The following TEX14 variants were observed in gnomAD, a reference collection of about 807,000 sequenced individuals.
The protein encoded by TEX14 is testis expressed 14, intercellular bridge forming factor.
In TEX14, 168 loss-of-function variants were observed where a neutral mutation model predicts 178.6. The ratio of observed to expected loss-of-function variants is 0.94; its 90% CI spans 0.83 to 1.07. TEX14 has a LOEUF of 1.07. Among genes scored for constraint, TEX14 ranks in the 50% least tolerant of loss-of-function variants. TEX14 has a pLI of 0.00. For missense variants in TEX14, 1,730 were observed against 1,753.6 expected, an observed-to-expected ratio of 0.99 and a Z score of 0.24; for synonymous variants, 626 against 634.1, an observed-to-expected ratio of 0.99 and a Z score of 0.19.
At chr17:58,648,786 CTTTTTTTTTTTTTTTT>C (rs34918333) in intron 2 of TEX14, among the ~76,000 whole-genome samples, 2 of 89,710 alleles carry the variant, frequency 2.2e-5, no homozygotes, top group Admixed American at 2.5e-4. Context: ...CTTTTTTTTT[CTTTTTTTTTTTTTTTT>C]TTTTTGAGAC....
intron 1 of TEX14, among the ~76,000 whole-genome samples, chr17:58,679,095 T>A (rs758053991): frequency 1.5e-4 from 23 of 152,004 alleles, no homozygotes; most frequent in Admixed American, 5.3e-4. Flanking sequence ...CTGAGGTTGC[T>A]GTGAGCTGAG....
chr17:58,584,616 C>T lies in TEX14; in HGVS notation c.3071-16G>A, dbSNP rs770118870. On this transcript the variant is annotated splice_polypyrimidine_tract_variant and intron_variant, in intron 18 of 31. Coordinates refer to ENST00000349033, the MANE Select transcript of TEX14 (RefSeq NM_031272.5). ...TGCCTGATACCTAATGATTGTAACA[C>T]AGTCAGGGTCAAAGTCATTCAGTGA... 7.6e-6 allele frequency: 12 copies of T among 1,584,202 alleles called. No homozygotes were observed. The highest frequency in any genetic ancestry group is 1.7e-5 in the Admixed American group (1 of 59,962).
intron 1 of TEX14, among the ~76,000 whole-genome samples, chr17:58,676,948 C>G (rs1424873186): frequency 6.6e-6 from 1 of 152,004 alleles, no homozygotes; most frequent in East Asian, 1.9e-4. Flanking sequence ...GAAACCCCGT[C>G]TCTACTAAAA....
chr17:58,596,925 G>T (rs1465708611), intron 14 of TEX14, among the ~76,000 whole-genome samples: 1 of 152,006 alleles, frequency 6.6e-6, no homozygotes, highest in African/African-American at 2.4e-5. Flanking sequence ...AAAAATAAAT[G>T]CCAATGCTTT....
intron 11 of TEX14, 135 bp downstream of exon 11, chr17:58,604,843 G>A (rs1474868016): frequency 1.7e-5 from 17 of 1,003,372 alleles, no homozygotes; most frequent in Non-Finnish European, 2.2e-5. Flanking sequence ...TTACAGGCGT[G>A]AGCCACTGCT....
intron 1 of TEX14, among the ~76,000 whole-genome samples, chr17:58,678,818 T>TATAATAATAATAATAATAATAATA (rs56142259): frequency 1.5e-5 from 2 of 137,324 alleles, no homozygotes; most frequent in Non-Finnish European, 3.1e-5. Flanking sequence ...GAACTTAAAG[T>TATAATAATAATAATAATAATAATA]ATAATAATAA....
intron 31 of TEX14, among the ~76,000 whole-genome samples, chr17:58,557,522 C>G (rs761609349): frequency 1.3e-5 from 2 of 151,648 alleles, no homozygotes; most frequent in African/African-American, 2.4e-5. Flanking sequence ...CTGCCCGCCT[C>G]GGCCTCCCAA....
At chr17:58,625,999 T>C (rs2046129075) in intron 3 of TEX14, among the ~76,000 whole-genome samples, 2 of 151,648 alleles carry the variant, frequency 1.3e-5, no homozygotes, top group African/African-American at 2.4e-5. Context: ...CCACCCACCC[T>C]GGACTTCCAA....
In TEX14 at chr17:58,616,233, G is replaced by C. The variant is rs35551271; in HGVS notation, c.709C>G (p.Gln237Glu). 7,230 of 1,613,986 alleles carry C rather than the reference G, an allele frequency of 4.5e-3. 24 individuals carry two copies. Among genetic ancestry groups the C allele is most frequent in the Non-Finnish European group, 4.9e-3 (5,801 of 1,179,956 alleles). ...GAGAAGGTGGGCTCATCATCAGCTT[G>C]AATCACTTCCTTTTCTCCAATGACC... ...LPVIGEKEVI[Q>E]ADDEPTFSFF... Residue 237 changes from glutamine (Q) to glutamate (E), a missense_variant, in exon 7 of 32, where the codon CAA becomes GAA. Physicochemically the swap from Gln to Glu is conservative, Grantham distance 29. Transcript: ENST00000349033.
At chr17:58,659,355 T>A (rs1190889964) in intron 1 of TEX14, 1 of 982,136 alleles carries the variant, frequency 1.0e-6, no homozygotes, top group African/African-American at 1.7e-5. Flanking sequence ...ACACACAACA[T>A]ACTCATGGCA....
At chr17:58,624,092 G>C (rs1208062644) in intron 3 of TEX14, among the ~76,000 whole-genome samples, 8 of 152,200 alleles carry the variant, frequency 5.3e-5, no homozygotes, top group Non-Finnish European at 7.4e-5. Flanking sequence ...GGCCATCCTG[G>C]CTAACGCGGT....
At chr17:58,608,644 C>G in intron 10 of TEX14, among the ~76,000 whole-genome samples, 1 of 152,226 alleles carries the variant, frequency 6.6e-6, no homozygotes, top group Non-Finnish European at 1.5e-5. Flanking sequence ...ATGAACTCCC[C>G]ATCTGGTGGC....
At chr17:58,599,876 T>C (rs1328148600) in intron 13 of TEX14, among the ~76,000 whole-genome samples, 10 of 152,070 alleles carry the variant, frequency 6.6e-5, no homozygotes, top group Admixed American at 2.6e-4. Context: ...TATTTTGACA[T>C]GGAATGAGGC....
At chr17:58,605,488 C>T (rs2045585544) in intron 10 of TEX14, among the ~76,000 whole-genome samples, 1 of 152,196 alleles carries the variant, frequency 6.6e-6, no homozygotes, top group Non-Finnish European at 1.5e-5. Context: ...TCCTGGAAAC[C>T]TAGCTAGACA....
At chr17:58,599,817 A>C in intron 13 of TEX14, 151 bp from the exon 14 acceptor site, 1 of 643,488 alleles carries the variant, frequency 1.6e-6, no homozygotes, top group Non-Finnish European at 2.6e-6. Context: ...AGACTACTGG[A>C]TACACTCACA....
At chr17:58,640,586 C>T (rs1251556377) in intron 2 of TEX14, among the ~76,000 whole-genome samples, 1 of 149,596 alleles carries the variant, frequency 6.7e-6, no homozygotes, top group Non-Finnish European at 1.5e-5. Flanking sequence ...ATAAAGGCTC[C>T]TACTCACATG....
intron 15 of TEX14, 56 bp downstream of exon 15, chr17:58,593,499 G>T: frequency 1.5e-6 from 2 of 1,308,140 alleles, no homozygotes; most frequent in Non-Finnish European, 2.2e-6. Context: ...TGGCCTCAGA[G>T]ACACACAGAA....
chr17:58,567,689 C>T (rs1043738818), intron 26 of TEX14: 2 of 152,224 alleles, frequency 1.3e-5, no homozygotes, highest in Admixed American at 1.3e-4. Context: ...GAAGAAACTA[C>T]TCAAGTGCCC....
At chr17:58,557,891 A>G in intron 30 of TEX14, 41 bp from the exon 31 acceptor site, 1 of 1,535,892 alleles carries the variant, frequency 6.5e-7, no homozygotes, top group East Asian at 2.3e-5. Context: ...AACATGATTA[A>G]TTTCTAGGTC....
Sources: allele counts gnomAD v4.1 joint callset (sites outside exome capture counted in the v4.1 genomes callset), GRCh38; gene constraint gnomAD v4.1.1; transcripts MANE v1.5; gene names NCBI Gene and HGNC (gene_info 2026-07-23, HGNC 2026-07-21).